Variants in LAMC3 observed in about 807,000 individuals in gnomAD.
The protein encoded by LAMC3 is laminin subunit gamma 3, also known as laminin subunit gamma-3.
LAMC3 carries 128 observed loss-of-function variants against 173.8 expected under a neutral mutation model. The ratio of observed to expected loss-of-function variants is 0.74; its 90% CI spans 0.64 to 0.85. The LOEUF (loss-of-function observed/expected upper bound fraction) is 0.85. Ranked by LOEUF, LAMC3 falls within the 40% of genes least tolerant of loss-of-function variation. The pLI is 0.00. For synonymous variants in LAMC3, 897 were observed against 909.1 expected (o/e 0.99, Z 0.24); for missense variants, 2,022 against 2,156.0 (o/e 0.94, Z 1.23).
At chr9:131,028,375 C>T (rs73658909) in intron 2 of LAMC3, among the ~76,000 whole-genome samples, 2 of 152,172 alleles carry the variant, frequency 1.3e-5, no homozygotes, top group East Asian at 3.8e-4. Context: ...ACCCAGGGAA[C>T]CTGCCCTCTC....
At position 131,086,575 on chromosome 9, in the gene LAMC3, C is replaced by CT. The variant is rs778812487; in HGVS notation, c.4230+864dup. 6.1e-4 allele frequency among the ~76,000 whole-genome samples: 56 copies of CT among 92,468 alleles called. 3 individuals carry two copies. Among genetic ancestry groups the CT allele is most frequent in the Admixed American group, 1.5e-3 (12 of 8,252 alleles). 60.7% of individuals were successfully genotyped at this position (92,468 alleles called of 152,430 possible). On this transcript the variant is annotated intron_variant, in intron 25 of 27. Coordinates refer to ENST00000361069, the MANE Select transcript of LAMC3 (RefSeq NM_006059.4). Reference sequence around the variant, plus strand: ...GGTGTGTGCCACTGTGCCTGGCTAACTTTTTTTTTTTTGCAGAGATGAGGA... The same window carrying CT: ...GGTGTGTGCCACTGTGCCTGGCTAACTTTTTTTTTTTTTGCAGAGATGAGGA...
intron 12 of LAMC3, among the ~76,000 whole-genome samples, chr9:131,060,825 C>T (rs1386896712): frequency 6.6e-6 from 1 of 152,128 alleles, no homozygotes; most frequent in African/African-American, 2.4e-5. Context: ...AGACAACTTG[C>T]CCAGCTTTGC....
chr9:131,013,727 T>C (rs530068772), intron 1 of LAMC3, among the ~76,000 whole-genome samples: 1 of 152,218 alleles, frequency 6.6e-6, no homozygotes, highest in Admixed American at 6.5e-5. Context: ...GAGGGAAGGA[T>C]GTTCTTCGAC....
intron 13 of LAMC3, among the ~76,000 whole-genome samples, chr9:131,066,732 A>G (rs1253559527): frequency 6.6e-6 from 1 of 152,058 alleles, no homozygotes; most frequent in Non-Finnish European, 1.5e-5. Flanking sequence ...GGGAGCTGCC[A>G]TTGTTGTCCC....
intron 6 of LAMC3, among the ~76,000 whole-genome samples, chr9:131,040,496 A>G (rs1834029725): frequency 6.6e-6 from 1 of 152,144 alleles, no homozygotes; most frequent in South Asian, 2.1e-4. Context: ...TTTTAAGTGA[A>G]CTTGCTTTGG....
chr9:131,069,740 C>G lies in LAMC3; in HGVS notation c.2959C>G (p.Pro987Ala). 6.2e-7 allele frequency: 1 copy of G among 1,600,890 alleles called. No homozygotes were observed. Among genetic ancestry groups the G allele is most frequent in the Non-Finnish European group, 8.5e-7 (1 of 1,174,562 alleles). ...CHENGTCVCR[P>A]GFEGYKCDRC... The stretch of plus-strand genomic sequence containing the variant: ...CGAGAACGGCACATGCGTGTGCAGG[C>G]CTGGCTTCGAGGGCTACAAATGTGA... The change falls in exon 17 of 28, where the codon CCT becomes GCT. Residue 987 changes from proline (P) to alanine (A), a missense_variant. By Grantham distance (27) the Pro-to-Ala change is conservative. Coordinates refer to ENST00000361069, the MANE Select transcript of LAMC3 (RefSeq NM_006059.4).
intron 1 of LAMC3, among the ~76,000 whole-genome samples, chr9:131,015,327 G>A (rs1234594792): frequency 1.3e-5 from 2 of 152,192 alleles, no homozygotes; most frequent in Non-Finnish European, 2.9e-5. Context: ...CAGTGCCGCC[G>A]TCCTCCCAGC....
chr9:131,045,958 C>A (rs1490369376), intron 8 of LAMC3, among the ~76,000 whole-genome samples: 2 of 152,206 alleles, frequency 1.3e-5, no homozygotes, highest in East Asian at 3.9e-4. Context: ...TGAGACTGGC[C>A]TCCCTTGGTG....
chr9:131,084,412 T>A lies in LAMC3; in HGVS notation c.4031-1112T>A, dbSNP rs181286709. ...TTTTTGTAGAGATGAGGTCTCACTATGTTTCCTAGGCTGGTTTTGAACTCC... is the reference window on the plus strand; with the variant it reads ...TTTTTGTAGAGATGAGGTCTCACTAAGTTTCCTAGGCTGGTTTTGAACTCC... On this transcript the variant is annotated intron_variant, in intron 24 of 27. Transcript: ENST00000361069. Among the ~76,000 whole-genome samples the A allele has an allele frequency of 1.1e-3, 173 of 151,986 alleles. 1 individual carries two copies. The highest frequency in any genetic ancestry group is 4.1e-3 in the African/African-American group (169 of 41,454).
chr9:131,067,515 G>A (rs537578108), intron 14 of LAMC3, among the ~76,000 whole-genome samples: 5 of 152,204 alleles, frequency 3.3e-5, no homozygotes, highest in African/African-American at 1.2e-4. Flanking sequence ...GCCCTGCGCC[G>A]GGTCTCCATG....
At chr9:131,073,719 C>A (rs1164639085) in intron 20 of LAMC3, among the ~76,000 whole-genome samples, 2 of 152,062 alleles carry the variant, frequency 1.3e-5, no homozygotes, top group African/African-American at 2.4e-5. Flanking sequence ...AAAGCCATCA[C>A]CACAACCAGT....
intron 24 of LAMC3, among the ~76,000 whole-genome samples, chr9:131,084,217 G>A (rs1034880313): frequency 6.6e-6 from 1 of 151,692 alleles, no homozygotes; most frequent in Non-Finnish European, 1.5e-5. Flanking sequence ...ACTTCCTTTA[G>A]AATTTTTTTT....
In LAMC3 at chr9:131,079,130, G is replaced by T. The variant is rs143476072; in HGVS notation, c.3778-19G>T. On this transcript the variant is annotated intron_variant, in intron 22 of 27. Transcript: ENST00000361069. ...CCCTTCCTTTCCAGGCCCTGCCTGA[G>T]CGCATTGTCTCCCTGCAGCCTCAGA... 1.2e-6 allele frequency: 2 copies of T among 1,611,292 alleles called. No homozygotes were observed. The highest frequency in any genetic ancestry group is 1.7e-5 in the Admixed American group (1 of 59,640).
chr9:131,050,831 G>T (rs1325845786), intron 9 of LAMC3, among the ~76,000 whole-genome samples: 2 of 152,124 alleles, frequency 1.3e-5, no homozygotes, highest in Non-Finnish European at 2.9e-5. Context: ...CCCAGGAGGG[G>T]CTGGGTAGCC....
At chr9:131,055,549 C>T (rs187336199) in intron 11 of LAMC3, among the ~76,000 whole-genome samples, 8 of 151,190 alleles carry the variant, frequency 5.3e-5, no homozygotes, top group East Asian at 3.9e-4. Context: ...CTCAGCCTCC[C>T]GAGTAGCTAG....
chr9:131,052,411 T>C lies in LAMC3; in HGVS notation c.1631-80T>C, dbSNP rs990253263. 1.1e-5 allele frequency: 14 copies of C among 1,277,746 alleles called. No individual in the cohort carries two copies. The Admixed American group carries it at 2.2e-4, about 20-fold the overall frequency. 79.2% of individuals were successfully genotyped at this position (1,277,746 alleles called of 1,614,324 possible). ...ACTTTTATCTTTTTTGAATGTTTAG[T>C]TGCCGATAAAATCAACATAGACATT... is the stretch of plus-strand genomic sequence containing the variant. On this transcript the variant is annotated intron_variant, in intron 9 of 27. Transcript: ENST00000361069.
chr9:131,039,902 C>A (rs1209086547), intron 6 of LAMC3, among the ~76,000 whole-genome samples: 1 of 151,774 alleles, frequency 6.6e-6, no homozygotes, highest in Admixed American at 6.6e-5. Context: ...GGGACAGGGG[C>A]TCCTGGGGTC....
intron 27 of LAMC3, among the ~76,000 whole-genome samples, chr9:131,088,106 T>G (rs1830362199): frequency 6.6e-6 from 1 of 152,120 alleles, no homozygotes; most frequent in Non-Finnish European, 1.5e-5. Flanking sequence ...AACTCACCAT[T>G]GGCAAGAACA....
intron 8 of LAMC3, among the ~76,000 whole-genome samples, chr9:131,047,723 C>T (rs143059566): frequency 2.7e-5 from 4 of 150,812 alleles, no homozygotes; most frequent in Admixed American, 2.0e-4. Flanking sequence ...ATTAGCCAGG[C>T]GTGGTGGCCA....
Sources: allele counts gnomAD v4.1 joint callset (sites outside exome capture counted in the v4.1 genomes callset), GRCh38; gene constraint gnomAD v4.1.1; transcripts MANE v1.5; gene names NCBI Gene and HGNC (gene_info 2026-07-23, HGNC 2026-07-21).